The following MRTFB variants were observed in gnomAD, a reference collection of about 807,000 sequenced individuals.
MRTFB encodes myocardin related transcription factor B.
A neutral mutation model predicts 104.2 loss-of-function variants in MRTFB; 29 were observed. The observed-to-expected ratio is 0.28, with a 90% confidence interval of 0.21 to 0.38. The LOEUF (loss-of-function observed/expected upper bound fraction) is 0.38, where lower values mean the gene tolerates loss of function less well. MRTFB is among the 10% of genes least tolerant of loss of function. MRTFB has a pLI of 1.00. For missense variants in MRTFB, 1,270 were observed against 1,341.6 expected (o/e 0.95, Z 0.83); for synonymous variants, 535 against 519.5 (o/e 1.03, Z -0.41).
intron 2 of MRTFB, among the ~76,000 whole-genome samples, chr16:14,099,188 G>A (rs2035558574): frequency 6.6e-6 from 1 of 151,688 alleles, no homozygotes; most frequent in African/African-American, 2.4e-5. Flanking sequence ...ATTAAGTCTG[G>A]GTCTTCCAAA....
At chr16:14,053,952 T>C in the MRTFB span, among the ~76,000 whole-genome samples, 14 of 152,200 alleles carry the variant, frequency 9.2e-5, no homozygotes, top group Non-Finnish European at 2.1e-4. Flanking sequence ...ATGGATTTCC[T>C]TTCCTTTGGA....
chr16:14,251,778 A>C (rs2043266023), intron 13 of MRTFB, 84 bp from the exon 14 acceptor site: 1 of 1,479,790 alleles, frequency 6.8e-7, no homozygotes, highest in South Asian at 1.3e-5. Flanking sequence ...AAGTTTGCTG[A>C]CCCCTGTCCT....
At chr16:14,218,284 C>A (rs2041516981) in intron 7 of MRTFB, among the ~76,000 whole-genome samples, 2 of 152,148 alleles carry the variant, frequency 1.3e-5, no homozygotes, top group Admixed American at 1.3e-4. Flanking sequence ...TGGTCTCGAT[C>A]TCCTGACCTC....
chr16:14,030,237 C>G, the MRTFB span, among the ~76,000 whole-genome samples: 12,282 of 152,218 alleles, frequency 0.081, 571 homozygotes, highest in Non-Finnish European at 0.098. Flanking sequence ...CCAATGAGGA[C>G]ATTGATGCCC....
rs2043142573 is a variant in MRTFB, at chr16:14,249,030, A to G, written c.2352A>G (p.Thr784=). ...ASGLAPTVPQ[T]QDTFPQHVLS... ...GCTTGGCCCCAACTGTACCTCAGAC[A>G]CAAGACACGTTCCCGCAGCATGTGC... Residue 784 remains threonine (T), a synonymous_variant, in exon 13 of 17, where the codon ACA becomes ACG. Transcript: ENST00000571589. 3.1e-6 allele frequency: 5 copies of G among 1,614,098 alleles called. No homozygotes were observed. The highest frequency in any genetic ancestry group is 3.4e-6 in the Non-Finnish European group (4 of 1,180,038).
the MRTFB span, among the ~76,000 whole-genome samples, chr16:14,003,753 G>C: frequency 5.9e-5 from 9 of 151,336 alleles, no homozygotes; most frequent in African/African-American, 2.2e-4. Flanking sequence ...GGAGACTAGA[G>C]GGGGGAAACT....
At chr16:14,257,119 G>A (rs1324832179) in intron 15 of MRTFB, among the ~76,000 whole-genome samples, 1 of 152,176 alleles carries the variant, frequency 6.6e-6, no homozygotes, top group Non-Finnish European at 1.5e-5. Flanking sequence ...AGAACAACTA[G>A]AAATCTTATA....
chr16:14,224,058 A>G (rs4781584), intron 8 of MRTFB, among the ~76,000 whole-genome samples: 143,199 of 152,254 alleles, frequency 0.94, 67,585 homozygotes, highest in Non-Finnish European at 0.97. Flanking sequence ...GGGTGAAGGC[A>G]AAGCAAGCAT....
In MRTFB at chr16:14,240,450, T is replaced by A; in HGVS notation, c.1045T>A (p.Tyr349Asn). 6.2e-7 allele frequency: 1 copy of A among 1,614,218 alleles called. No homozygotes were observed. Among genetic ancestry groups the A allele is most frequent in the East Asian group, 2.2e-5 (1 of 44,894 alleles). ...LQILSQQKQH[Y>N]NYQTILPAPF... ...GATCCTGAGTCAGCAGAAGCAGCAC[T>A]ACAACTACCAGACCATCCTGCCTGC... is the stretch of plus-strand genomic sequence containing the variant. Residue 349 changes from tyrosine to asparagine, a missense_variant, in exon 10 of 17, where the codon TAC becomes AAC. Coordinates refer to ENST00000571589, the MANE Select transcript of MRTFB (RefSeq NM_001308142.2).
chr16:14,175,226 A>G (rs1476957481), intron 3 of MRTFB, among the ~76,000 whole-genome samples: 2 of 152,220 alleles, frequency 1.3e-5, no homozygotes, highest in Non-Finnish European at 2.9e-5. Context: ...GAATTTTGGC[A>G]TATGTATGCA....
intron 2 of MRTFB, 33 bp from the exon 3 acceptor site, chr16:14,140,511 C>T: frequency 2.1e-6 from 3 of 1,455,912 alleles, no homozygotes; most frequent in South Asian, 2.6e-5. Flanking sequence ...AACATAACTG[C>T]ACCATCTCTT....
chr16:14,001,260 T>C, the MRTFB span, among the ~76,000 whole-genome samples: 1 of 152,214 alleles, frequency 6.6e-6, no homozygotes, highest in African/African-American at 2.4e-5. Flanking sequence ...GGGTAGAGCC[T>C]AGCTTCGGGC....
chr16:14,065,717 C>T, the MRTFB span, among the ~76,000 whole-genome samples: 1 of 152,010 alleles, frequency 6.6e-6, no homozygotes. Flanking sequence ...TGCACTCCAG[C>T]GTGGGCAACA....
At position 14,090,879 on chromosome 16, in the gene MRTFB, G is replaced by GGTGTGTGTGTGT. The variant is rs55685117; in HGVS notation, c.-64+11556_-64+11567dup. ...CAGGTTTTCAAAATCAGTTCAGCAT[G>GGTGTGTGTGTGT]GTGTGTGTGTGTGTGTGTGTGTGTG... On this transcript the variant is annotated intron_variant, in intron 2 of 16. Transcript: ENST00000571589. Among the ~76,000 whole-genome samples the GGTGTGTGTGTGT allele has an allele frequency of 3.7e-3, 520 of 141,780 alleles. 4 individuals are homozygous for GGTGTGTGTGTGT. Among genetic ancestry groups the GGTGTGTGTGTGT allele is most frequent in the East Asian group, 0.026 (122 of 4,782 alleles). 93.0% of individuals were successfully genotyped at this position (141,780 alleles called of 152,430 possible).
the MRTFB span, among the ~76,000 whole-genome samples, chr16:14,038,141 T>C: frequency 6.6e-6 from 1 of 152,168 alleles, no homozygotes; most frequent in Admixed American, 6.5e-5. Context: ...GTTGGTTTCT[T>C]CTGAGGCCTC....
At chr16:14,255,010 A>G (rs2043418678) in intron 15 of MRTFB, among the ~76,000 whole-genome samples, 1 of 150,922 alleles carries the variant, frequency 6.6e-6, no homozygotes, top group African/African-American at 2.5e-5. Context: ...CTAAAAAAGT[A>G]CAGTATCTGA....
intron 2 of MRTFB, among the ~76,000 whole-genome samples, chr16:14,095,844 C>G (rs2035330454): frequency 6.6e-6 from 1 of 152,152 alleles, no homozygotes; most frequent in Non-Finnish European, 1.5e-5. Flanking sequence ...TATTGCTTCT[C>G]TATCAGAATA....
Position 14,140,635 on chromosome 16 carries a change from A to G in MRTFB, c.29A>G (p.Glu10Gly), listed in dbSNP as rs756349788. Residue 10 changes from glutamate (E) to glycine (G), a missense_variant, in exon 3 of 17, where the codon GAG becomes GGG. Transcript: ENST00000571589. The stretch of plus-strand genomic sequence containing the variant: ...GATCACACAGGGGCGATAGACACCG[A>G]GGATGAAGTGGGACCTTTAGCCCAT... MDHTGAIDT[E>G]DEVGPLAHLA... is the part of the protein sequence containing the mutation. 1 of 1,614,210 alleles carries G rather than the reference A, an allele frequency of 6.2e-7. No individual in the cohort carries two copies. Among genetic ancestry groups the G allele is most frequent in the South Asian group, 1.1e-5 (1 of 91,080 alleles).
At position 14,261,555 on chromosome 16, in the gene MRTFB, G is replaced by C. The variant is rs1467077164; in HGVS notation, c.*111G>C. ...TGCATTGTTGCAATCAAAATATGTTGTCACAGAAAGAATAGGTGGAAGGTC... is the reference window on the plus strand; with the variant it reads ...TGCATTGTTGCAATCAAAATATGTTCTCACAGAAAGAATAGGTGGAAGGTC... On this transcript the variant is annotated 3_prime_UTR_variant, in exon 17 of 17. Transcript: ENST00000571589. The C allele has an allele frequency of 3.5e-6, 4 of 1,137,036 alleles. No homozygotes were observed. The highest frequency in any genetic ancestry group is 4.9e-6 in the Non-Finnish European group (4 of 811,758). 70.4% of individuals were successfully genotyped at this position (1,137,036 alleles called of 1,614,324 possible).
Sources: allele counts gnomAD v4.1 joint callset (sites outside exome capture counted in the v4.1 genomes callset), GRCh38; gene constraint gnomAD v4.1.1; transcripts MANE v1.5; gene names NCBI Gene and HGNC (gene_info 2026-07-23, HGNC 2026-07-21).